DNAJA2: variants seen among roughly 807,000 people sequenced by gnomAD.
DNAJA2 encodes the protein dnaJ homolog subfamily A member 2.
Under a neutral mutation model 49.3 loss-of-function variants are expected in DNAJA2, and 6 were observed. The ratio of observed to expected loss-of-function variants is 0.12; its 90% CI spans 0.07 to 0.24. The LOEUF (loss-of-function observed/expected upper bound fraction) is 0.24. Ranked by LOEUF, DNAJA2 falls within the 10% of genes least tolerant of loss-of-function variation. The probability of loss-of-function intolerance (pLI) is 1.00; values close to 1 mark genes in which losing one functional copy is unlikely to be tolerated. For synonymous variants in DNAJA2, 160 were observed against 172.7 expected, an observed-to-expected ratio of 0.93 and a Z score of 0.58; for missense variants, 347 against 516.8, an observed-to-expected ratio of 0.67 and a Z score of 3.19.
intron 5 of DNAJA2, 81 bp from the exon 6 acceptor site, chr16:46,964,888 T>C (rs1040676661): frequency 3.0e-5 from 36 of 1,199,190 alleles, no homozygotes; most frequent in Non-Finnish European, 4.0e-5. Context: ...ATATGCTTTC[T>C]GGACTTCTTT....
rs141527277 is a variant in DNAJA2, at chr16:46,956,001, A to G, written c.*1028T>C. ...AAAATAATAATCAATGGCTTCTCCA[A>G]TTCCAAATATTCAACTTAATGGAGA... is the stretch of plus-strand genomic sequence containing the variant. On this transcript the variant is annotated 3_prime_UTR_variant, in exon 9 of 9. Coordinates refer to ENST00000317089, the MANE Select transcript of DNAJA2 (RefSeq NM_005880.4). The G allele has an allele frequency of 5.3e-5, 8 of 152,342 alleles. No homozygotes were observed. In the East Asian group the frequency reaches 1.3e-3, roughly 26 times the overall value. 9.4% of individuals were successfully genotyped at this position (152,342 alleles called of 1,614,324 possible). A position where few individuals can be genotyped will look rare whatever the true frequency, so the allele number is the denominator to read the frequency against.
At chr16:46,968,227 G>A (rs1408543997) in intron 3 of DNAJA2, 63 bp from the exon 4 acceptor site, 6 of 1,144,878 alleles carry the variant, frequency 5.2e-6, no homozygotes, top group South Asian at 2.8e-5. Flanking sequence ...CAAGATATAA[G>A]TAACAGCTGA....
chr16:46,957,286 A>G (rs1050879866), intron 8 of DNAJA2, 66 bp from the exon 9 acceptor site: 29 of 1,392,106 alleles, frequency 2.1e-5, no homozygotes, highest in Non-Finnish European at 2.7e-5. Context: ...TTTGATACAT[A>G]GAATCCAGTG....
At chr16:46,962,740 C>T (rs1393231551) in intron 6 of DNAJA2, among the ~76,000 whole-genome samples, 2 of 152,110 alleles carry the variant, frequency 1.3e-5, no homozygotes, top group Admixed American at 6.5e-5. Context: ...TTTTGACAAC[C>T]GAGGAGACGT....
At chr16:46,968,269 GA>G (rs1363911805) in intron 3 of DNAJA2, 105 bp from the exon 4 acceptor site, 1 of 713,644 alleles carries the variant, frequency 1.4e-6, no homozygotes, top group Non-Finnish European at 2.3e-6. Flanking sequence ...TTTTAAAACA[GA>G]ATTCAAAAAC....
At chr16:46,970,982 G>A (rs1011606559) in intron 3 of DNAJA2, among the ~76,000 whole-genome samples, 3 of 151,652 alleles carry the variant, frequency 2.0e-5, no homozygotes, top group Admixed American at 2.0e-4. Context: ...AGGTTGCAGT[G>A]AGCTGAGATT....
At position 46,955,490 on chromosome 16, in the gene DNAJA2, C is replaced by T. The variant is rs1302416837; in HGVS notation, c.*1539G>A. ...ACTATGCTGTTGAATCTTACCCAGG[C>T]TTGTTGTAAAATATTTTTTGTACAA... is the stretch of plus-strand genomic sequence containing the variant. On this transcript the variant is annotated 3_prime_UTR_variant, in exon 9 of 9. Transcript: ENST00000317089. The T allele has an allele frequency of 6.6e-6, 1 of 152,186 alleles. No homozygotes were observed. The highest frequency in any genetic ancestry group is 1.5e-5 in the Non-Finnish European group (1 of 68,032). 9.4% of individuals were successfully genotyped at this position (152,186 alleles called of 1,614,324 possible). A position where few individuals can be genotyped will look rare whatever the true frequency, so the allele number is the denominator to read the frequency against.
chr16:46,968,834 C>T (rs1962009279), intron 3 of DNAJA2, among the ~76,000 whole-genome samples: 1 of 152,074 alleles, frequency 6.6e-6, no homozygotes, highest in South Asian at 2.1e-4. Context: ...ATTGCTTGAG[C>T]CCAGAGTTCA....
In DNAJA2 at chr16:46,964,724, C is replaced by T. The variant is rs373625818; in HGVS notation, c.661G>A (p.Val221Ile). ...TGTCCATGTTTCATGCCTTTGTCTA[C>T]GTGGACTTCAAGAATCTTGACTTCT... ...IKEVKILEVH[V>I]DKGMKHGQRI... Residue 221 changes from valine to isoleucine, a missense_variant, in exon 6 of 9, where the codon GTA (valine) becomes ATA (isoleucine). By Grantham distance (29) the Val-to-Ile change is conservative. Transcript: ENST00000317089. 27 of 1,614,062 alleles carry T rather than the reference C, an allele frequency of 1.7e-5. No individual in the cohort carries two copies. Among genetic ancestry groups the T allele is most frequent in the Admixed American group, 1.2e-4 (7 of 59,998 alleles).
In DNAJA2 at chr16:46,964,617, T is replaced by G. The variant is rs1961943028; in HGVS notation, c.768A>C (p.Glu256Asp). Residue 256 changes from glutamate (E) to aspartate (D), a missense_variant, in exon 6 of 9, where the codon GAA becomes GAC. Physicochemically the swap from Glu to Asp is conservative, Grantham distance 45. Coordinates refer to ENST00000317089, the MANE Select transcript of DNAJA2 (RefSeq NM_005880.4). ...GDIVLLLQEK[E>D]HEVFQRDGND... is the part of the protein sequence containing the mutation. ...CTAAAAAAAGGAAAATCACCTCATG[T>G]TCTTTCTCCTGTAGCAAAAGAACAA... 1.3e-6 allele frequency: 2 copies of G among 1,589,362 alleles called. No individual in the cohort carries two copies. The highest frequency in any genetic ancestry group is 3.9e-5 in the Admixed American group (2 of 51,454).
intron 1 of DNAJA2, chr16:46,972,999 C>T (rs1010308773): frequency 2.6e-5 from 4 of 152,236 alleles, no homozygotes; most frequent in African/African-American, 9.6e-5. Context: ...CCCATCCGCC[C>T]GAGGCGCTCT....
chr16:46,965,541 G>C (rs1247307679), intron 5 of DNAJA2, among the ~76,000 whole-genome samples: 1 of 152,162 alleles, frequency 6.6e-6, no homozygotes, highest in African/African-American at 2.4e-5. Flanking sequence ...CTTCAAAATG[G>C]TAATAGTGGC....
chr16:46,960,766 G>A (rs1362686326), intron 6 of DNAJA2, among the ~76,000 whole-genome samples: 1 of 151,972 alleles, frequency 6.6e-6, no homozygotes. Context: ...GCGACACAGC[G>A]AGACTCCATC....
intron 3 of DNAJA2, among the ~76,000 whole-genome samples, chr16:46,970,482 C>T (rs1962027649): frequency 6.6e-6 from 1 of 152,192 alleles, no homozygotes; most frequent in Non-Finnish European, 1.5e-5. Flanking sequence ...GTGGCTTATG[C>T]CTGTAATCCC....
At chr16:46,957,548 A>C (rs1050421633) in intron 8 of DNAJA2, among the ~76,000 whole-genome samples, 1 of 152,036 alleles carries the variant, frequency 6.6e-6, no homozygotes, top group African/African-American at 2.4e-5. Flanking sequence ...AGTTGCAGTA[A>C]GCTGAGATTG....
rs1261529715 is a variant in DNAJA2, at chr16:46,970,733, A to AAAAAAAAAAG, written c.362+615_362+616insCTTTTTTTTT. ...CCGGGCGACAGGGACTCCATTTCAA[A>AAAAAAAAAAG]AAAAAAAAAAAAAAAAAAAAAAAGG... On this transcript the variant is annotated intron_variant, in intron 3 of 8. Coordinates refer to ENST00000317089, the MANE Select transcript of DNAJA2 (RefSeq NM_005880.4). Among the ~76,000 whole-genome samples, 50 of 113,046 alleles carry AAAAAAAAAAG rather than the reference A, an allele frequency of 4.4e-4. 2 individuals are homozygous for AAAAAAAAAAG. The highest frequency in any genetic ancestry group is 1.9e-3 in the African/African-American group (48 of 25,138). The allele number at this position is 113,046 out of a possible 152,430, so 74.2% of individuals were successfully genotyped here.
At chr16:46,972,051 TAG>T in intron 1 of DNAJA2, 96 bp from the exon 2 acceptor site, 1 of 881,322 alleles carries the variant, frequency 1.1e-6, no homozygotes, top group Non-Finnish European at 1.9e-6. Context: ...AGTAATGTTC[TAG>T]AGTTATAACC....
Position 46,963,432 on chromosome 16 carries a change from G to C in DNAJA2, c.774+1179C>G, listed in dbSNP as rs1463029190. 3.2e-4 allele frequency among the ~76,000 whole-genome samples: 49 copies of C among 151,736 alleles called. 1 individual carries two copies. Among genetic ancestry groups the C allele is most frequent in the Admixed American group, 3.2e-3 (49 of 15,224 alleles). ...ACCTGTAATCCCAGCACTTTGGGAA[G>C]TTGAGACAGGAGGATCGCTTGAGCT... is the stretch of plus-strand genomic sequence containing the variant. On this transcript the variant is annotated intron_variant, in intron 6 of 8. Transcript: ENST00000317089.
intron 5 of DNAJA2, among the ~76,000 whole-genome samples, chr16:46,965,842 A>G (rs1961962335): frequency 6.6e-6 from 1 of 151,956 alleles, no homozygotes; most frequent in South Asian, 2.1e-4. Flanking sequence ...CAAAAAAAAA[A>G]AAAAAAGAAA....
Sources: allele counts gnomAD v4.1 joint callset (sites outside exome capture counted in the v4.1 genomes callset), GRCh38; gene constraint gnomAD v4.1.1; transcripts MANE v1.5; gene names NCBI Gene and HGNC (gene_info 2026-07-23, HGNC 2026-07-21).